SPTB: variants seen among roughly 807,000 people sequenced by gnomAD.
SPTB encodes the protein spectrin beta, erythrocytic, also known as spectrin beta chain, erythrocytic.
SPTB carries 45 observed loss-of-function variants against 256.2 expected under a neutral mutation model. The ratio of observed to expected loss-of-function variants is 0.18; its 90% CI spans 0.14 to 0.23. The LOEUF (loss-of-function observed/expected upper bound fraction) is 0.23, where lower values mean the gene tolerates loss of function less well. SPTB is among the 10% of genes least tolerant of loss of function. The pLI, the probability that SPTB is intolerant of heterozygous loss-of-function variation, is 1.00. For missense variants in SPTB, 2,715 were observed against 3,040.4 expected (o/e 0.89, Z 2.52); for synonymous variants, 1,231 against 1,243.1 (o/e 0.99, Z 0.21).
intron 1 of SPTB, among the ~76,000 whole-genome samples, chr14:64,870,864 A>C (rs1291235025): frequency 6.6e-6 from 1 of 152,240 alleles, no homozygotes; most frequent in African/African-American, 2.4e-5. Flanking sequence ...CACAATAGGC[A>C]AGAGTAGAAG....
chr14:64,866,814 A>G lies in SPTB; in HGVS notation c.-52+12978T>C, dbSNP rs538260153. ...CTTTGACATGCCTTAAGGACAAACA[A>G]TAAACAGATTAACTGTACCCAGAAA... On this transcript the variant is annotated intron_variant, in intron 1 of 35. Transcript: ENST00000644917. The surrounding 1 kb of genome is among the most constrained non-coding windows in gnomAD (Gnocchi z 4.6). Among the ~76,000 whole-genome samples the G allele has an allele frequency of 6.6e-6, 1 of 152,350 alleles. No individual in the cohort carries two copies. The highest frequency in any genetic ancestry group is 1.5e-5 in the Non-Finnish European group (1 of 68,022).
At chr14:64,858,292 G>A (rs1244801866) in intron 1 of SPTB, among the ~76,000 whole-genome samples, 1 of 152,206 alleles carries the variant, frequency 6.6e-6, no homozygotes, top group Non-Finnish European at 1.5e-5. Context: ...TGCAGCAGCG[G>A]TGTTAAACTT....
In SPTB at chr14:64,786,521, A is replaced by C. The variant is rs779335853; in HGVS notation, c.3444T>G (p.Thr1148=). 2.5e-5 allele frequency: 41 copies of C among 1,614,010 alleles called. No individual in the cohort carries two copies. Among genetic ancestry groups the C allele is most frequent in the Non-Finnish European group, 3.4e-5 (40 of 1,180,038 alleles). The change falls in exon 16 of 36, where the codon ACT becomes ACG. Residue 1148 remains threonine (T), a synonymous_variant. Coordinates refer to ENST00000644917, the MANE Select transcript of SPTB (RefSeq NM_001355436.2). This position sits in a 1 kb window ranked among gnomAD's most constrained non-coding sequence, Gnocchi z 5.6. ...LLGQRLEGLD[T]GWNALGRMWE... ...ACATCCTGCCCAGGGCATTCCAGCC[A>C]GTATCCAGGCCCTCCAGCCGCTGGC...
At position 64,827,528 on chromosome 14, in the gene SPTB, A is replaced by C. The variant is rs1188833301; in HGVS notation, c.-51-4383T>G. Among the ~76,000 whole-genome samples, 1 of 152,174 alleles carries C rather than the reference A, an allele frequency of 6.6e-6. No homozygotes were observed. The highest frequency in any genetic ancestry group is 1.5e-5 in the Non-Finnish European group (1 of 68,028). ...TTGGTATTGTGGCAACCCGGTCAGG[A>C]GATTAAATCCTGAAGTTTCTCTGGT... is the stretch of plus-strand genomic sequence containing the variant. On this transcript the variant is annotated intron_variant, in intron 1 of 35. Transcript: ENST00000644917. The surrounding 1 kb of genome is among the most constrained non-coding windows in gnomAD (Gnocchi z 4.6).
intron 1 of SPTB, among the ~76,000 whole-genome samples, chr14:64,830,299 C>A (rs1040897805): frequency 6.6e-6 from 1 of 150,410 alleles, no homozygotes; most frequent in African/African-American, 2.4e-5. Context: ...TAAATATTAT[C>A]CTGTTCCTAC....
In SPTB at chr14:64,772,841, C is replaced by T; in HGVS notation, c.5292G>A (p.Glu1764=). 1 of 1,613,686 alleles carries T rather than the reference C, an allele frequency of 6.2e-7. No homozygotes were observed. Among genetic ancestry groups the T allele is most frequent in the Non-Finnish European group, 8.5e-7 (1 of 1,179,912 alleles). Residue 1764 remains glutamate, a synonymous_variant, in exon 26 of 36, where the codon GAG becomes GAA. Coordinates refer to ENST00000644917, the MANE Select transcript of SPTB (RefSeq NM_001355436.2). The surrounding 1 kb of genome is among the most constrained non-coding windows in gnomAD (Gnocchi z 5.4). ...CCTTCCACTCGGCGATGGTGGCCGCCTCGCTGTGGCCCGCGTCGATGAGTC... is the reference window on the plus strand; with the variant it reads ...CCTTCCACTCGGCGATGGTGGCCGCTTCGCTGTGGCCCGCGTCGATGAGTC... ...IERLIDAGHS[E]AATIAEWKDG...
At chr14:64,787,875 C>T (rs2139572751) in intron 15 of SPTB, among the ~76,000 whole-genome samples, 1 of 152,324 alleles carries the variant, frequency 6.6e-6, no homozygotes, top group Admixed American at 6.5e-5. Flanking sequence ...CAGGCCAGAC[C>T]ACTAGGGACA....
rs150045770 is a variant in SPTB, at chr14:64,870,340, G to T, written c.-52+9452C>A. Among the ~76,000 whole-genome samples, 521 of 152,076 alleles carry T rather than the reference G, an allele frequency of 3.4e-3. 4 individuals are homozygous for T. Among genetic ancestry groups the T allele is most frequent in the African/African-American group, 0.012 (507 of 41,500 alleles). On this transcript the variant is annotated intron_variant, in intron 1 of 35. Transcript: ENST00000644917. Reference sequence around the variant, plus strand: ...GAAAAAAAAAAAGTCAGAGAAAGAGGAAGTTCTTCACCCAAGGGCAAACAG... The same window carrying T: ...GAAAAAAAAAAAGTCAGAGAAAGAGTAAGTTCTTCACCCAAGGGCAAACAG...
chr14:64,769,135 GA>G lies in SPTB; in HGVS notation c.5938-18del. The G allele has an allele frequency of 6.2e-7, 1 of 1,612,054 alleles. No individual in the cohort carries two copies. The highest frequency in any genetic ancestry group is 1.1e-5 in the South Asian group (1 of 91,052). ...CTCGCGGATCTATGGGGAGGAAAGGGAGAAAAGCTCAGGCTTGGCTCACCCT... is the reference window on the plus strand; with the variant it reads ...CTCGCGGATCTATGGGGAGGAAAGGGGAAAAGCTCAGGCTTGGCTCACCCT... On this transcript the variant is annotated intron_variant, in intron 28 of 35. Coordinates refer to ENST00000644917, the MANE Select transcript of SPTB (RefSeq NM_001355436.2).
chr14:64,751,306 G>C (rs1285343975), intron 33 of SPTB, among the ~76,000 whole-genome samples: 1 of 151,734 alleles, frequency 6.6e-6, no homozygotes, highest in Non-Finnish European at 1.5e-5. Context: ...TTTTAGTAGG[G>C]ACAGGGTTTC....
Position 64,795,295 on chromosome 14 carries a change from T to C in SPTB, c.1644+42A>G. On this transcript the variant is annotated intron_variant, in intron 12 of 35. Coordinates refer to ENST00000644917, the MANE Select transcript of SPTB (RefSeq NM_001355436.2). The surrounding 1 kb of genome is among the most constrained non-coding windows in gnomAD (Gnocchi z 6.5). ...ACTGCAGGGCCACTGAGACCCAAGG[T>C]GAGCACTGCAGGGCATGGCGGGGGC... 1 of 1,601,404 alleles carries C rather than the reference T, an allele frequency of 6.2e-7. No individual in the cohort carries two copies. Among genetic ancestry groups the C allele is most frequent in the East Asian group, 2.2e-5 (1 of 44,866 alleles).
rs569966038 is a variant in SPTB, at chr14:64,804,748, CAAG to C, written c.300+188_300+190del. 4.6e-5 allele frequency among the ~76,000 whole-genome samples: 7 copies of C among 152,262 alleles called. No homozygotes were observed. The East Asian group carries it at 1.4e-3, about 29-fold the overall frequency. The stretch of plus-strand genomic sequence containing the variant: ...AAGGGGTGGGAGTGGTCAGAGGAGG[CAAG>C]AAGTTCTGGGAGGAATTCAGAGAGA... On this transcript the variant is annotated intron_variant, in intron 3 of 35. Transcript: ENST00000644917.
rs748108358 is a variant in SPTB at position 64,805,011 on chromosome 14, G to A, written c.228C>T (p.Thr76=). 2.0e-5 allele frequency: 32 copies of A among 1,614,006 alleles called. No individual in the cohort carries two copies. The highest frequency in any genetic ancestry group is 4.4e-5 in the South Asian group (4 of 91,070). Residue 76 remains threonine, a synonymous_variant, in exon 3 of 36, where the codon ACC becomes ACT. Transcript: ENST00000644917. ...SHLARVSCRI[T]DLYKDLRDGR... Reference sequence around the variant, plus strand: ...CATCCCGCAGGTCCTTGTAGAGATCGGTGATGCGGCAGGACACTCGAGCCA... The same window carrying A: ...CATCCCGCAGGTCCTTGTAGAGATCAGTGATGCGGCAGGACACTCGAGCCA...
At chr14:64,819,466 C>G (rs2269294) in intron 2 of SPTB, among the ~76,000 whole-genome samples, 38,091 of 152,176 alleles carry the variant, frequency 0.25, 5,911 homozygotes, top group African/African-American at 0.43. Context: ...ATCATCCTTA[C>G]GTTTCTTGGG....
At chr14:64,838,853 G>A (rs2083563629) in intron 1 of SPTB, among the ~76,000 whole-genome samples, 1 of 152,160 alleles carries the variant, frequency 6.6e-6, no homozygotes, top group South Asian at 2.1e-4. Flanking sequence ...AACATTTAGG[G>A]CTGGGTGTGG....
In SPTB at chr14:64,793,412, C is replaced by T. The variant is rs775936031; in HGVS notation, c.2251G>A (p.Asp751Asn). 1.2e-5 allele frequency: 19 copies of T among 1,613,458 alleles called. No homozygotes were observed. The highest frequency in any genetic ancestry group is 6.7e-5 in the Admixed American group (4 of 60,010). The change falls in exon 14 of 36, where the codon GAT (aspartate) becomes AAT (asparagine). Residue 751 changes from aspartate (D) to asparagine (N), a missense_variant. This residue lies in a region of SPTB where 2,239 missense variants were observed against 2,384.4 expected (regional missense o/e 0.94). Transcript: ENST00000644917. This position sits in a 1 kb window ranked among gnomAD's most constrained non-coding sequence, Gnocchi z 7.0. ...AGCCAAGCCTTCAGGTCATCCGCAT[C>T]GCCCTGGAACTGGAAAAAGTTCTCA... ...DAENFFQFQG[D>N]ADDLKAWLQD...
chr14:64,770,018 C>T (rs2082254198), intron 27 of SPTB, among the ~76,000 whole-genome samples: 1 of 152,222 alleles, frequency 6.6e-6, no homozygotes, highest in African/African-American at 2.4e-5. Context: ...CTGATTGATG[C>T]TACAACAGGG....
Position 64,752,275 on chromosome 14 carries a change from C to T in SPTB, c.6602+1262G>A, listed in dbSNP as rs921365448. On this transcript the variant is annotated intron_variant, in intron 33 of 35. Coordinates refer to ENST00000644917, the MANE Select transcript of SPTB (RefSeq NM_001355436.2). ...TCTGTTTCCTCCTCCTCTTCATCCT[C>T]CTCTTCTGTCTCCCTCCTCTCCTCT... The T allele has an allele frequency of 2.2e-6, 3 of 1,339,792 alleles. No individual in the cohort carries two copies. In the African/African-American group the frequency reaches 4.4e-5, roughly 20 times the overall value. The allele number at this position is 1,339,792 out of a possible 1,614,324, so 83.0% of individuals were successfully genotyped here.
At chr14:64,830,337 A>C (rs1396602356) in intron 1 of SPTB, among the ~76,000 whole-genome samples, 1 of 6,746 alleles carries the variant, frequency 1.5e-4, no homozygotes, top group Non-Finnish European at 4.8e-4. Flanking sequence ...CTGGAGTCTT[A>C]TTATTATTAT....
Sources: allele counts gnomAD v4.1 joint callset (sites outside exome capture counted in the v4.1 genomes callset), GRCh38; gene constraint gnomAD v4.1.1; regional missense constraint gnomAD v4.1.1; non-coding constraint Gnocchi (gnomAD v3.1); transcripts MANE v1.5; gene names NCBI Gene and HGNC (gene_info 2026-07-23, HGNC 2026-07-21).